ZNF804B: variants seen among roughly 807,000 people sequenced by gnomAD.
ZNF804B encodes the protein zinc finger protein 804B.
Under a neutral mutation model 101.4 loss-of-function variants are expected in ZNF804B, and 80 were observed. That is an observed-to-expected ratio of 0.79 (90% CI 0.66 to 0.95). The LOEUF is 0.95. ZNF804B is among the 40% of genes least tolerant of loss of function. The pLI is 0.00. For missense variants in ZNF804B, 1,673 were observed against 1,561.9 expected (o/e 1.07, Z -1.20); for synonymous variants, 622 against 558.8 (o/e 1.11, Z -1.59).
At chr7:88,965,319 T>A (rs2116098581) in intron 1 of ZNF804B, among the ~76,000 whole-genome samples, 1 of 151,522 alleles carries the variant, frequency 6.6e-6, no homozygotes, top group South Asian at 2.1e-4. Flanking sequence ...TCTCTCTTTG[T>A]TTTGGAAGCT....
At chr7:89,090,908 A>C (rs921429142) in intron 1 of ZNF804B, among the ~76,000 whole-genome samples, 1 of 152,100 alleles carries the variant, frequency 6.6e-6, no homozygotes, top group African/African-American at 2.4e-5. Flanking sequence ...ACTATACCAA[A>C]TGCAAAAATG....
chr7:89,279,375 T>A (rs570318140), intron 2 of ZNF804B, among the ~76,000 whole-genome samples: 2 of 148,698 alleles, frequency 1.3e-5, no homozygotes, highest in Admixed American at 1.3e-4. Context: ...CTGGCCAGAA[T>A]TTCCAACACT....
At chr7:89,255,969 TA>T (rs1400922739) in intron 2 of ZNF804B, among the ~76,000 whole-genome samples, 1 of 152,102 alleles carries the variant, frequency 6.6e-6, no homozygotes, top group Non-Finnish European at 1.5e-5. Context: ...AACTGCAAAT[TA>T]AAACCAAAAC....
intron 1 of ZNF804B, among the ~76,000 whole-genome samples, chr7:89,201,132 G>A (rs1323395039): frequency 6.6e-6 from 1 of 151,858 alleles, no homozygotes; most frequent in African/African-American, 2.4e-5. Flanking sequence ...TATTACAGAA[G>A]AGACATTTTC....
intron 1 of ZNF804B, among the ~76,000 whole-genome samples, chr7:89,058,574 C>T (rs542178124): frequency 3.3e-4 from 50 of 152,130 alleles, no homozygotes; most frequent in Non-Finnish European, 5.6e-4. Flanking sequence ...CAGGCTTACC[C>T]TGTTGATGCA....
chr7:89,004,768 C>T (rs996604635), intron 1 of ZNF804B, among the ~76,000 whole-genome samples: 1 of 151,720 alleles, frequency 6.6e-6, no homozygotes, highest in Admixed American at 6.6e-5. Flanking sequence ...TATGGAATAT[C>T]AAAAAGGAAG....
chr7:89,310,594 A>G (rs1790637491), intron 2 of ZNF804B, among the ~76,000 whole-genome samples: 2 of 152,202 alleles, frequency 1.3e-5, no homozygotes, highest in African/African-American at 4.8e-5. Context: ...CTTACTTTGC[A>G]GGTATGTTCA....
chr7:88,945,493 C>G (rs1793115166), intron 1 of ZNF804B, among the ~76,000 whole-genome samples: 1 of 152,004 alleles, frequency 6.6e-6, no homozygotes, highest in Admixed American at 6.6e-5. Flanking sequence ...TTTACTGTAG[C>G]CTTGCAGTAT....
chr7:89,032,434 T>A (rs914860225), intron 1 of ZNF804B, among the ~76,000 whole-genome samples: 1 of 152,156 alleles, frequency 6.6e-6, no homozygotes, highest in Non-Finnish European at 1.5e-5. Flanking sequence ...AACTAATAAA[T>A]GAGATATAAG....
At chr7:89,274,218 GT>G (rs1033958619) in intron 2 of ZNF804B, among the ~76,000 whole-genome samples, 1 of 142,896 alleles carries the variant, frequency 7.0e-6, no homozygotes, top group Non-Finnish European at 1.5e-5. Flanking sequence ...GTGCAGGTTA[GT>G]TACATATGTA....
At chr7:89,073,485 C>T (rs1428592561) in intron 1 of ZNF804B, among the ~76,000 whole-genome samples, 3 of 151,902 alleles carry the variant, frequency 2.0e-5, no homozygotes, top group Non-Finnish European at 4.4e-5. Flanking sequence ...AATATATTAC[C>T]ATAATTATCT....
At chr7:89,208,847 C>T (rs1015032050) in intron 1 of ZNF804B, among the ~76,000 whole-genome samples, 1 of 151,286 alleles carries the variant, frequency 6.6e-6, no homozygotes, top group Admixed American at 6.6e-5. Context: ...CCCGTCTGTA[C>T]TGAAAATACA....
chr7:88,835,493 C>A (rs1480938019), intron 1 of ZNF804B, among the ~76,000 whole-genome samples: 3 of 151,812 alleles, frequency 2.0e-5, no homozygotes, highest in Non-Finnish European at 2.9e-5. Flanking sequence ...GGACAAAGAA[C>A]CCCACTGAAG....
intron 1 of ZNF804B, among the ~76,000 whole-genome samples, chr7:89,209,848 T>C (rs7810205): frequency 0.59 from 89,560 of 151,964 alleles, 26,895 homozygotes; most frequent in African/African-American, 0.63. Context: ...GACTATCCTT[T>C]TTACAAAAGA....
At chr7:88,770,179 G>T (rs994268104) in intron 1 of ZNF804B, among the ~76,000 whole-genome samples, 1 of 152,192 alleles carries the variant, frequency 6.6e-6, no homozygotes, top group East Asian at 1.9e-4. Flanking sequence ...CCCCAAAGAT[G>T]TTTATATTTG....
intron 1 of ZNF804B, among the ~76,000 whole-genome samples, chr7:89,019,651 G>C (rs1181320594): frequency 1.3e-5 from 2 of 151,832 alleles, no homozygotes; most frequent in African/African-American, 2.4e-5. Flanking sequence ...TTATAAATCT[G>C]GACCCTCCAA....
At chr7:88,860,998 A>G (rs1247938480) in intron 1 of ZNF804B, among the ~76,000 whole-genome samples, 1 of 152,132 alleles carries the variant, frequency 6.6e-6, no homozygotes, top group African/African-American at 2.4e-5. Context: ...CACACTAGTC[A>G]ATTATGCTAA....
intron 1 of ZNF804B, among the ~76,000 whole-genome samples, chr7:89,216,831 T>C (rs921691746): frequency 1.3e-5 from 2 of 152,262 alleles, no homozygotes; most frequent in African/African-American, 2.4e-5. Context: ...TTTCTTTCTA[T>C]TGAGGGTAGT....
chr7:89,250,531 A>C (rs1217778454), intron 2 of ZNF804B, among the ~76,000 whole-genome samples: 1 of 152,180 alleles, frequency 6.6e-6, no homozygotes, highest in African/African-American at 2.4e-5. Flanking sequence ...AGCTGGTACT[A>C]ATCTTCCTGA....
Sources: gnomAD v4.1 joint callset for allele counts (sites outside exome capture counted in the v4.1 genomes callset) on GRCh38, gnomAD v4.1.1 for gene constraint, MANE v1.5 for transcripts, NCBI Gene and HGNC (gene_info 2026-07-23, HGNC 2026-07-21) for gene names.